The following PACRGL variants were observed in gnomAD, a reference collection of about 807,000 sequenced individuals.
PACRGL encodes parkin coregulated like.
In PACRGL, 38 loss-of-function variants were observed where a neutral mutation model predicts 34.5. That is an observed-to-expected ratio of 1.10 (90% confidence interval 0.85 to 1.44). PACRGL has a LOEUF of 1.44. Among genes scored for constraint, PACRGL ranks in the 40% most tolerant of loss-of-function variants. The pLI is 0.00. For synonymous variants in PACRGL, 128 were observed against 100.1 expected, an observed-to-expected ratio of 1.28 and a Z score of -1.66; for missense variants, 305 against 281.4, an observed-to-expected ratio of 1.08 and a Z score of -0.60.
At chr4:20,726,767 A>G (rs560584096) in intron 8 of PACRGL, among the ~76,000 whole-genome samples, 2 of 152,296 alleles carry the variant, frequency 1.3e-5, no homozygotes, top group East Asian at 3.9e-4. Flanking sequence ...TCTGCCTTAA[A>G]TTGAAATCAG....
chr4:20,751,423 A>C (rs1264982740), intron 8 of PACRGL, among the ~76,000 whole-genome samples: 2 of 152,156 alleles, frequency 1.3e-5, no homozygotes, highest in African/African-American at 4.8e-5. Context: ...AGCCTATTTC[A>C]ACTTGCAAAG....
chr4:20,761,416 ACTAT>A, the PACRGL span, among the ~76,000 whole-genome samples: 19 of 152,320 alleles, frequency 1.2e-4, no homozygotes, highest in East Asian at 1.9e-4. Flanking sequence ...AAACATTTTG[ACTAT>A]CTATCTAGCT....
At chr4:20,749,155 CAAA>C (rs1553888859) in intron 8 of PACRGL, among the ~76,000 whole-genome samples, 41 of 128,980 alleles carry the variant, frequency 3.2e-4, no homozygotes, top group South Asian at 1.5e-3. Context: ...GAGACTCTTT[CAAA>C]AAAAAAAAAA....
At chr4:20,737,480 G>A (rs1213764224), downstream of PACRGL, among the ~76,000 whole-genome samples, 1 of 152,122 alleles carries the variant, frequency 6.6e-6, no homozygotes, top group African/African-American at 2.4e-5. Flanking sequence ...AGGTGGGGAG[G>A]ATCCAGAACA....
In PACRGL at chr4:20,731,483, A is replaced by G. The variant is rs1748190949; in HGVS notation, c.*4142A>G. ...TACTACCTGGAGTTCTCTTCAGAGAAAATTTTCCACTGTTTATTTTTTGTG... is the reference window on the plus strand; with the variant it reads ...TACTACCTGGAGTTCTCTTCAGAGAGAATTTTCCACTGTTTATTTTTTGTG... On this transcript the variant is annotated 3_prime_UTR_variant, in exon 9 of 9. Coordinates refer to ENST00000503585, the MANE Select transcript of PACRGL (RefSeq NM_001258345.3). 2.0e-6 allele frequency: 2 copies of G among 985,248 alleles called. No individual in the cohort carries two copies. Among genetic ancestry groups the G allele is most frequent in the Non-Finnish European group, 1.2e-6 (1 of 829,874 alleles). The allele number at this position is 985,248 out of a possible 1,614,324, so 61.0% of individuals were successfully genotyped here.
chr4:20,723,099 T>G (rs888929932), intron 7 of PACRGL, among the ~76,000 whole-genome samples: 5 of 152,200 alleles, frequency 3.3e-5, no homozygotes, highest in Non-Finnish European at 4.4e-5. Context: ...AGGTGGTAGA[T>G]GAAATTCCGT....
Position 20,731,304 on chromosome 4 carries a change from C to G in PACRGL, c.*3963C>G. 8 of 768,732 alleles carry G rather than the reference C, an allele frequency of 1.0e-5. No individual in the cohort carries two copies. Among genetic ancestry groups the G allele is most frequent in the Non-Finnish European group, 1.3e-5 (8 of 632,292 alleles). 47.6% of individuals were successfully genotyped at this position (768,732 alleles called of 1,614,324 possible). ...GCCCACATTGGACTCAAAATCCTGG[C>G]CTTAAGTTATCTTCCCGCCTCAGCC... On this transcript the variant is annotated 3_prime_UTR_variant, in exon 9 of 9. Coordinates refer to ENST00000503585, the MANE Select transcript of PACRGL (RefSeq NM_001258345.3).
At position 20,729,412 on chromosome 4, in the gene PACRGL, A is replaced by C. The variant is rs1290586834; in HGVS notation, c.*2071A>C. The C allele has an allele frequency of 6.6e-6, 1 of 152,492 alleles. No individual in the cohort carries two copies. The highest frequency in any genetic ancestry group is 1.5e-5 in the Non-Finnish European group (1 of 68,014). The allele number at this position is 152,492 out of a possible 1,614,324, so 9.4% of individuals were successfully genotyped here. A position where few individuals can be genotyped will look rare whatever the true frequency, so the allele number is the denominator to read the frequency against. ...AGGCCTTGGCTGTAACATATTATGG[A>C]AAATTAAATGCTTATTAAAATAAGT... On this transcript the variant is annotated 3_prime_UTR_variant, in exon 9 of 9. Coordinates refer to ENST00000503585, the MANE Select transcript of PACRGL (RefSeq NM_001258345.3).
At chr4:20,749,728 A>C in intron 8 of PACRGL, 1 of 1,604,130 alleles carries the variant, frequency 6.2e-7, no homozygotes, top group Non-Finnish European at 8.5e-7. Context: ...CATATGTTGT[A>C]GAGTCTGAAA....
intron 3 of PACRGL, among the ~76,000 whole-genome samples, chr4:20,705,801 T>C (rs1338955403): frequency 6.6e-6 from 1 of 151,162 alleles, no homozygotes; most frequent in Non-Finnish European, 1.5e-5. Flanking sequence ...GAAAAGCATG[T>C]GTAAAAGCTA....
downstream of PACRGL, among the ~76,000 whole-genome samples, chr4:20,753,657 G>A (rs1026666716): frequency 6.6e-6 from 1 of 152,146 alleles, no homozygotes; most frequent in Non-Finnish European, 1.5e-5. Context: ...TACAATTCAT[G>A]ACATCGTTAC....
chr4:20,759,511 T>C, the PACRGL span, among the ~76,000 whole-genome samples: 1 of 152,264 alleles, frequency 6.6e-6, no homozygotes, highest in East Asian at 1.9e-4. Context: ...GATCCCCACC[T>C]TTGTCCCTGG....
chr4:20,709,787 C>T lies in PACRGL; in HGVS notation c.366+14C>T. Reference sequence around the variant, plus strand: ...ACTTTAGCTGAGGTAAATATGCCATCTCTTGAATATTTATCAGAAAATAAA... The same window carrying T: ...ACTTTAGCTGAGGTAAATATGCCATTTCTTGAATATTTATCAGAAAATAAA... On this transcript the variant is annotated intron_variant, in intron 5 of 8. Coordinates refer to ENST00000503585, the MANE Select transcript of PACRGL (RefSeq NM_001258345.3). The T allele has an allele frequency of 1.3e-6, 2 of 1,540,068 alleles. No homozygotes were observed. The highest frequency in any genetic ancestry group is 2.3e-5 in the South Asian group (2 of 88,778).
downstream of PACRGL, among the ~76,000 whole-genome samples, chr4:20,736,814 C>G (rs1365068043): frequency 2.0e-5 from 3 of 152,064 alleles, no homozygotes; most frequent in Non-Finnish European, 2.9e-5. Context: ...AAATAATTGT[C>G]AAATTCATAT....
chr4:20,760,883 A>T, the PACRGL span, among the ~76,000 whole-genome samples: 1 of 152,190 alleles, frequency 6.6e-6, no homozygotes, highest in Non-Finnish European at 1.5e-5. Flanking sequence ...GGTTGATTTT[A>T]TGTGTTTAAC....
downstream of PACRGL, chr4:20,734,802 G>T: frequency 1.4e-6 from 1 of 691,106 alleles, no homozygotes. Context: ...AAAAACAAAT[G>T]ATGTAAGTAA....
chr4:20,717,663 T>C (rs913767869), intron 7 of PACRGL, among the ~76,000 whole-genome samples: 2 of 152,204 alleles, frequency 1.3e-5, no homozygotes, highest in South Asian at 2.1e-4. Context: ...GTATTATTTC[T>C]GAGGCCTCTG....
Position 20,731,797 on chromosome 4 carries a change from T to G in PACRGL, c.*4456T>G, listed in dbSNP as rs1387599737. ...CAACTTTTGTATCCCCAGGGTTTCC[T>G]CCATAGCCTGACTCAGTGGGCACTC... On this transcript the variant is annotated 3_prime_UTR_variant, in exon 9 of 9. Coordinates refer to ENST00000503585, the MANE Select transcript of PACRGL (RefSeq NM_001258345.3). 10 of 985,298 alleles carry G rather than the reference T, an allele frequency of 1.0e-5. No homozygotes were observed. The highest frequency in any genetic ancestry group is 1.2e-5 in the Non-Finnish European group (10 of 829,944). The allele number at this position is 985,298 out of a possible 1,614,324, so 61.0% of individuals were successfully genotyped here.
At position 20,726,404 on chromosome 4, in the gene PACRGL, C is replaced by G. The variant is rs12646696; in HGVS notation, c.691-881C>G. Among the ~76,000 whole-genome samples, 355 of 152,056 alleles carry G rather than the reference C, an allele frequency of 2.3e-3. 8 individuals are homozygous for G. In the South Asian group the frequency reaches 0.046, roughly 20 times the overall value. On this transcript the variant is annotated intron_variant, in intron 8 of 8. Coordinates refer to ENST00000503585, the MANE Select transcript of PACRGL (RefSeq NM_001258345.3). ...TTCTTCTGACTCCTCTTGTTTCCTCCTTCTTATATCCTACATAATATTTTA... is the reference window on the plus strand; with the variant it reads ...TTCTTCTGACTCCTCTTGTTTCCTCGTTCTTATATCCTACATAATATTTTA...
Sources: gnomAD v4.1 joint callset for allele counts (sites outside exome capture counted in the v4.1 genomes callset) on GRCh38, gnomAD v4.1.1 for gene constraint, MANE v1.5 for transcripts, NCBI Gene and HGNC (gene_info 2026-07-23, HGNC 2026-07-21) for gene names.